GALNT2: variants seen among roughly 807,000 people sequenced by gnomAD.
GALNT2 encodes the protein polypeptide N-acetylgalactosaminyltransferase 2.
In GALNT2, 31 loss-of-function variants were observed where a neutral mutation model predicts 81.4. The observed-to-expected ratio is 0.38, with a 90% CI of 0.29 to 0.51. The LOEUF (loss-of-function observed/expected upper bound fraction) is 0.51. Among genes scored for constraint, GALNT2 ranks in the 20% least tolerant of loss-of-function variants. GALNT2 has a pLI of 0.87. For missense variants in GALNT2, 629 were observed against 765.7 expected (o/e 0.82, Z 2.11); for synonymous variants, 303 against 287.4 (o/e 1.05, Z -0.55).
At chr1:230,133,326 G>T (rs908358855) in intron 1 of GALNT2, among the ~76,000 whole-genome samples, 33 of 152,154 alleles carry the variant, frequency 2.2e-4, no homozygotes, top group Admixed American at 9.2e-4. Flanking sequence ...CAGAAAGGTT[G>T]TACAAGTTTA....
chr1:230,269,414 G>C (rs1394608471), intron 14 of GALNT2, among the ~76,000 whole-genome samples: 1 of 152,072 alleles, frequency 6.6e-6, no homozygotes, highest in Non-Finnish European at 1.5e-5. Flanking sequence ...TCGAACTCGT[G>C]ACCTCAAGTG....
chr1:230,085,537 G>A (rs1167283124), intron 1 of GALNT2, among the ~76,000 whole-genome samples: 1 of 152,214 alleles, frequency 6.6e-6, no homozygotes. Context: ...GTAAGCCCCT[G>A]TGTCTCATTT....
intron 12 of GALNT2, 21 bp downstream of exon 12, chr1:230,262,686 C>A: frequency 1.3e-6 from 2 of 1,485,360 alleles, no homozygotes; most frequent in Non-Finnish European, 1.9e-6. Flanking sequence ...GTTCTGCCTT[C>A]TCACAATTAC....
At chr1:230,201,975 G>C (rs193161140) in intron 2 of GALNT2, among the ~76,000 whole-genome samples, 8 of 152,280 alleles carry the variant, frequency 5.3e-5, no homozygotes, top group African/African-American at 1.7e-4. Flanking sequence ...GAAATTGTAT[G>C]AGTTTCATGT....
At chr1:230,069,200 G>A (rs1314443768) in intron 1 of GALNT2, among the ~76,000 whole-genome samples, 2 of 152,152 alleles carry the variant, frequency 1.3e-5, no homozygotes, top group African/African-American at 2.4e-5. Context: ...TTCCTGGATG[G>A]TGTGAGGGGT....
chr1:230,193,821 G>T lies in GALNT2; in HGVS notation c.221-9316G>T, dbSNP rs1263381011. On this transcript the variant is annotated intron_variant, in intron 2 of 15. Coordinates refer to ENST00000366672, the MANE Select transcript of GALNT2 (RefSeq NM_004481.5). This position sits in a 1 kb window ranked among gnomAD's most constrained non-coding sequence, Gnocchi z 4.3. The stretch of plus-strand genomic sequence containing the variant: ...GGTGTCCTGAGTGGCACTTAGGAGC[G>T]CTGTCTGGCTGTGTCTCTGGCTGCA... Among the ~76,000 whole-genome samples, 1 of 152,178 alleles carries T rather than the reference G, an allele frequency of 6.6e-6. No homozygotes were observed. The highest frequency in any genetic ancestry group is 1.5e-5 in the Non-Finnish European group (1 of 68,034).
intron 1 of GALNT2, among the ~76,000 whole-genome samples, chr1:230,156,161 G>A (rs1404342997): frequency 6.6e-6 from 1 of 151,818 alleles, no homozygotes; most frequent in Non-Finnish European, 1.5e-5. Flanking sequence ...TGACCTTCTG[G>A]GGTTGATGTC....
intron 1 of GALNT2, among the ~76,000 whole-genome samples, chr1:230,177,149 T>C (rs10864730): frequency 0.1 from 15,877 of 152,308 alleles, 1,134 homozygotes; most frequent in East Asian, 0.26. Flanking sequence ...AAAAAATGTG[T>C]CATTTGGCCC....
intron 2 of GALNT2, among the ~76,000 whole-genome samples, chr1:230,190,582 C>T (rs548855688): frequency 3.3e-5 from 5 of 152,340 alleles, no homozygotes; most frequent in African/African-American, 9.6e-5. Flanking sequence ...TCTCCACACA[C>T]GCCCATCTCT....
chr1:230,244,207 A>G (rs16851199), intron 7 of GALNT2, among the ~76,000 whole-genome samples: 2,397 of 152,100 alleles, frequency 0.016, 32 homozygotes, highest in Non-Finnish European at 0.023. Context: ...CTAAGTAACC[A>G]CAAGCTACTA....
intron 2 of GALNT2, among the ~76,000 whole-genome samples, chr1:230,181,111 T>C (rs989437208): frequency 3.9e-5 from 6 of 152,172 alleles, no homozygotes; most frequent in Admixed American, 1.3e-4. Flanking sequence ...CTTATTTCAT[T>C]AGCTAGGACT....
chr1:230,279,582 C>G lies in GALNT2; in HGVS notation c.*124C>G. The G allele has an allele frequency of 1.0e-5, 13 of 1,279,434 alleles. No individual in the cohort carries two copies. The highest frequency in any genetic ancestry group is 1.3e-5 in the Non-Finnish European group (12 of 944,234). 79.3% of individuals were successfully genotyped at this position (1,279,434 alleles called of 1,614,324 possible). A position where few individuals can be genotyped will look rare whatever the true frequency, so the allele number is the denominator to read the frequency against. On this transcript the variant is annotated 3_prime_UTR_variant, in exon 16 of 16. Coordinates refer to ENST00000366672, the MANE Select transcript of GALNT2 (RefSeq NM_004481.5). This position sits in a 1 kb window ranked among gnomAD's most constrained non-coding sequence, Gnocchi z 4.6. Reference sequence around the variant, plus strand: ...ATATACCTCAGTATTCCATCATGGTCTGAAAGTCAAACTTCGGCAAGGCAC... The same window carrying G: ...ATATACCTCAGTATTCCATCATGGTGTGAAAGTCAAACTTCGGCAAGGCAC...
At chr1:230,110,545 G>T (rs766199877) in intron 1 of GALNT2, among the ~76,000 whole-genome samples, 1 of 152,166 alleles carries the variant, frequency 6.6e-6, no homozygotes, top group Non-Finnish European at 1.5e-5. Context: ...AAAGCTTTGT[G>T]TGGGGATTAA....
At chr1:230,111,435 T>A (rs1404772418) in intron 1 of GALNT2, among the ~76,000 whole-genome samples, 2 of 152,228 alleles carry the variant, frequency 1.3e-5, no homozygotes, top group African/African-American at 2.4e-5. Flanking sequence ...TTTACCTACA[T>A]TTCAAGGTGA....
intron 14 of GALNT2, among the ~76,000 whole-genome samples, chr1:230,274,139 A>G (rs546686886): frequency 6.6e-6 from 1 of 152,336 alleles, no homozygotes; most frequent in East Asian, 1.9e-4. Flanking sequence ...AAAATGAACA[A>G]GGCAGTCTAA....
chr1:230,192,807 T>C (rs1221642839), intron 2 of GALNT2, among the ~76,000 whole-genome samples: 1 of 152,242 alleles, frequency 6.6e-6, no homozygotes, highest in Non-Finnish European at 1.5e-5. Flanking sequence ...TTTTTGTCCT[T>C]AATCATGGAT....
At chr1:230,121,795 C>T (rs761567128) in intron 1 of GALNT2, among the ~76,000 whole-genome samples, 1 of 152,068 alleles carries the variant, frequency 6.6e-6, no homozygotes, top group Non-Finnish European at 1.5e-5. Context: ...AAAAAGGGGA[C>T]ATTGGGACAT....
In GALNT2 at chr1:230,070,371, G is replaced by A. The variant is rs926772851; in HGVS notation, c.126+2965G>A. ...TTAAGTCTCCCCTGGGCTTTGGTACGTTGGCAGTGGATGGAGCCGCAGAAG... is the reference window on the plus strand; with the variant it reads ...TTAAGTCTCCCCTGGGCTTTGGTACATTGGCAGTGGATGGAGCCGCAGAAG... On this transcript the variant is annotated intron_variant, in intron 1 of 15. Transcript: ENST00000366672. The surrounding 1 kb of genome is among the most constrained non-coding windows in gnomAD (Gnocchi z 4.7). 3.9e-5 allele frequency among the ~76,000 whole-genome samples: 6 copies of A among 152,068 alleles called. No homozygotes were observed. Among genetic ancestry groups the A allele is most frequent in the African/African-American group, 1.5e-4 (6 of 41,372 alleles).
chr1:230,199,094 T>C (rs1663802077), intron 2 of GALNT2, among the ~76,000 whole-genome samples: 1 of 152,206 alleles, frequency 6.6e-6, no homozygotes, highest in African/African-American at 2.4e-5. Context: ...TAAAGCTGTT[T>C]AATTTCCAGA....
Sources: gnomAD v4.1 joint callset for allele counts (sites outside exome capture counted in the v4.1 genomes callset) on GRCh38, gnomAD v4.1.1 for gene constraint, Gnocchi (gnomAD v3.1) non-coding constraint, MANE v1.5 for transcripts, NCBI Gene and HGNC (gene_info 2026-07-23, HGNC 2026-07-21) for gene names.